RPEL1: variants seen among roughly 807,000 people sequenced by gnomAD.
The protein encoded by RPEL1 is ribulose-5-phosphate-3-epimerase like 1, also known as ribulose-phosphate 3-epimerase-like protein 1.
RPEL1 carries 7 observed loss-of-function variants against 12.8 expected under a neutral mutation model. The observed-to-expected ratio is 0.55, with a 90% confidence interval of 0.31 to 1.03. The LOEUF is 1.03. RPEL1 is among the 50% of genes least tolerant of loss of function. RPEL1 has a pLI of 0.05. For synonymous variants in RPEL1, 91 were observed against 102.0 expected (o/e 0.89, Z 0.65); for missense variants, 237 against 289.4 (o/e 0.82, Z 1.31).
rs2093007133 is a variant in RPEL1 at position 103,245,887 on chromosome 10, C to T, written c.-110C>T. 1 of 1,454,794 alleles carries T rather than the reference C, an allele frequency of 6.9e-7. No homozygotes were observed. Among genetic ancestry groups the T allele is most frequent in the Non-Finnish European group, 9.1e-7 (1 of 1,095,360 alleles). 90.1% of individuals were successfully genotyped at this position (1,454,794 alleles called of 1,614,324 possible). A position where few individuals can be genotyped will look rare whatever the true frequency, so the allele number is the denominator to read the frequency against. On this transcript the variant is annotated 5_prime_UTR_variant, in exon 1 of 1. Coordinates refer to ENST00000441178, the MANE Select transcript of RPEL1 (RefSeq NM_001143909.1). ...GGATTACAGGCATGAGCCACTGTGCCTGGCCAAACTGTGGTTCTTTGGTAG... is the reference window on the plus strand; with the variant it reads ...GGATTACAGGCATGAGCCACTGTGCTTGGCCAAACTGTGGTTCTTTGGTAG...
Position 103,246,376 on chromosome 10 carries a change from A to T in RPEL1, c.380A>T (p.Tyr127Phe). 6.2e-7 allele frequency: 1 copy of T among 1,614,196 alleles called. No individual in the cohort carries two copies. Among genetic ancestry groups the T allele is most frequent in the Non-Finnish European group, 8.5e-7 (1 of 1,180,022 alleles). The change falls in exon 1 of 1, where the codon TAT becomes TTT. Residue 127 changes from tyrosine (Y) to phenylalanine (F), a missense_variant. Transcript: ENST00000441178. The part of the protein sequence containing the change: ...LAIKPGTSVE[Y>F]LAPWANQIDM... ...ATCAAACCAGGAACCTCAGTTGAGT[A>T]TTTGGCACCATGGGCTAATCAAATA...
rs533063298 is a variant in RPEL1, at chr10:103,245,926, T to A, written c.-71T>A. 2,495 of 1,407,898 alleles carry A rather than the reference T, an allele frequency of 1.8e-3. 5 individuals are homozygous for A. The highest frequency in any genetic ancestry group is 1.7e-3 in the Non-Finnish European group (1,829 of 1,050,644). The allele number at this position is 1,407,898 out of a possible 1,614,324, so 87.2% of individuals were successfully genotyped here. On this transcript the variant is annotated 5_prime_UTR_variant, in exon 1 of 1. Transcript: ENST00000441178. ...GTTCTTTGGTAGAATTTCCTGGTTTTAAAAAAAAAAAAAGTGGGCTCTAGT... is the reference window on the plus strand; with the variant it reads ...GTTCTTTGGTAGAATTTCCTGGTTTAAAAAAAAAAAAAAGTGGGCTCTAGT...
rs930372304 is a variant in RPEL1, at chr10:103,247,209, A to C, written c.*526A>C. The C allele has an allele frequency of 2.3e-5, 4 of 171,910 alleles. No individual in the cohort carries two copies. Among genetic ancestry groups the C allele is most frequent in the African/African-American group, 9.6e-5 (4 of 41,476 alleles). 10.6% of individuals were successfully genotyped at this position (171,910 alleles called of 1,614,324 possible). ...TTTCACCTTACACTTAATGTGTAAA[A>C]ACTATAAAAACAATGCGTGAAACCC... On this transcript the variant is annotated 3_prime_UTR_variant, in exon 1 of 1. Transcript: ENST00000441178.
In RPEL1 at chr10:103,247,334, G is replaced by A. The variant is rs966715557; in HGVS notation, c.*651G>A. 12 of 168,126 alleles carry A rather than the reference G, an allele frequency of 7.1e-5. No homozygotes were observed. The highest frequency in any genetic ancestry group is 2.9e-4 in the African/African-American group (12 of 41,570). 10.4% of individuals were successfully genotyped at this position (168,126 alleles called of 1,614,324 possible). ...ACCATTCTTAAGGACGTTAAATAAT[G>A]CTGTTGTGTTAGCTCTGAGTAGAAA... On this transcript the variant is annotated 3_prime_UTR_variant, in exon 1 of 1. Coordinates refer to ENST00000441178, the MANE Select transcript of RPEL1 (RefSeq NM_001143909.1).
At position 103,247,134 on chromosome 10, in the gene RPEL1, A is replaced by G. The variant is rs757749754; in HGVS notation, c.*451A>G. 3 of 188,396 alleles carry G rather than the reference A, an allele frequency of 1.6e-5. No individual in the cohort carries two copies. The highest frequency in any genetic ancestry group is 3.7e-5 in the Non-Finnish European group (3 of 81,074). The allele number at this position is 188,396 out of a possible 1,614,324, so 11.7% of individuals were successfully genotyped here. On this transcript the variant is annotated 3_prime_UTR_variant, in exon 1 of 1. Coordinates refer to ENST00000441178, the MANE Select transcript of RPEL1 (RefSeq NM_001143909.1). ...TCATGTTATTTGTGATTTGTTTATAAGTTTGGGTGGGATGGCATACCATAT... is the reference window on the plus strand; with the variant it reads ...TCATGTTATTTGTGATTTGTTTATAGGTTTGGGTGGGATGGCATACCATAT...
rs376763218 is a variant in RPEL1 at position 103,246,468 on chromosome 10, C to T, written c.472C>T (p.Pro158Ser). Reference sequence around the variant, plus strand: ...GCAGAAATTCATGGAAGATATGATGCCAAAGGTTCACTGGTTGAGGACCCA... The same window carrying T: ...GCAGAAATTCATGGAAGATATGATGTCAAAGGTTCACTGGTTGAGGACCCA... ...GEQKFMEDMM[P>S]KVHWLRTQFP... Residue 158 changes from proline (P) to serine (S), a missense_variant, in exon 1 of 1, where the codon CCA (proline) becomes TCA (serine). By Grantham distance (74) the Pro-to-Ser change is moderately conservative (BLOSUM62 -1). Transcript: ENST00000441178. 9 of 1,613,994 alleles carry T rather than the reference C, an allele frequency of 5.6e-6. No individual in the cohort carries two copies. The African/African-American group carries it at 1.2e-4, about 22-fold the overall frequency.
At position 103,246,515 on chromosome 10, in the gene RPEL1, G is replaced by A. The variant is rs756294044; in HGVS notation, c.519G>A (p.Glu173=). 6.2e-7 allele frequency: 1 copy of A among 1,614,196 alleles called. No homozygotes were observed. The highest frequency in any genetic ancestry group is 1.3e-5 in the African/African-American group (1 of 75,044). Residue 173 remains glutamate, a synonymous_variant, in exon 1 of 1, where the codon GAG becomes GAA. Coordinates refer to ENST00000441178, the MANE Select transcript of RPEL1 (RefSeq NM_001143909.1). ...LRTQFPSLDI[E]GDGGVGSDTV... ...CCCAGTTCCCATCTTTGGATATAGA[G>A]GGCGATGGTGGAGTAGGTTCTGACA... is the stretch of plus-strand genomic sequence containing the variant.
Position 103,246,473 on chromosome 10 carries a change from G to T in RPEL1, c.477G>T (p.Lys159Asn), listed in dbSNP as rs764831313. The T allele has an allele frequency of 1.9e-6, 3 of 1,614,220 alleles. No individual in the cohort carries two copies. Among genetic ancestry groups the T allele is most frequent in the Non-Finnish European group, 2.5e-6 (3 of 1,180,038 alleles). Residue 159 changes from lysine to asparagine, a missense_variant, in exon 1 of 1, where the codon AAG becomes AAT. Physicochemically the swap from Lys to Asn is moderately conservative, Grantham distance 94. Transcript: ENST00000441178. ...EQKFMEDMMP[K>N]VHWLRTQFPS... Reference sequence around the variant, plus strand: ...AATTCATGGAAGATATGATGCCAAAGGTTCACTGGTTGAGGACCCAGTTCC... The same window carrying T: ...AATTCATGGAAGATATGATGCCAAATGTTCACTGGTTGAGGACCCAGTTCC...
In RPEL1 at chr10:103,246,542, T is replaced by A. The variant is rs529634862; in HGVS notation, c.546T>A (p.Thr182=). The A allele has an allele frequency of 2.5e-6, 4 of 1,614,234 alleles. No individual in the cohort carries two copies. The highest frequency in any genetic ancestry group is 8.5e-7 in the Non-Finnish European group (1 of 1,180,046). ...GCGATGGTGGAGTAGGTTCTGACAC[T>A]GTCCATAAGTGTGCAGAGGCAGGAG... ...IEGDGGVGSD[T]VHKCAEAGAN... is the part of the protein sequence containing the mutation. The change falls in exon 1 of 1, where the codon ACT becomes ACA. Residue 182 remains threonine, a synonymous_variant. Transcript: ENST00000441178.
chr10:103,246,371 TGA>T, the RPEL1 span: 4 of 1,614,048 alleles, frequency 2.5e-6, no homozygotes, highest in Non-Finnish European at 3.4e-6. Context: ...GAACCTCAGT[TGA>T]GTATTTGGCA....
chr10:103,246,913 T>A lies in RPEL1; in HGVS notation c.*230T>A, dbSNP rs2093009346. ...TGATTAGTGAGTAAGATACTGTTTT[T>A]ATTGAGAGACTTGATTTTTATAAAG... On this transcript the variant is annotated 3_prime_UTR_variant, in exon 1 of 1. Coordinates refer to ENST00000441178, the MANE Select transcript of RPEL1 (RefSeq NM_001143909.1). 1 of 596,176 alleles carries A rather than the reference T, an allele frequency of 1.7e-6. No individual in the cohort carries two copies. Among genetic ancestry groups the A allele is most frequent in the Non-Finnish European group, 2.9e-6 (1 of 340,024 alleles). The allele number at this position is 596,176 out of a possible 1,614,324, so 36.9% of individuals were successfully genotyped here.
chr10:103,246,779 C>T lies in RPEL1; in HGVS notation c.*96C>T. 2.1e-6 allele frequency: 3 copies of T among 1,436,216 alleles called. No homozygotes were observed. The African/African-American group carries it at 4.3e-5, about 20-fold the overall frequency. 89.0% of individuals were successfully genotyped at this position (1,436,216 alleles called of 1,614,324 possible). ...AAATCATCATGAAATTGAAGCTGTA[C>T]TGCTTTTTTGAGCAGTTATTCATTC... is the stretch of plus-strand genomic sequence containing the variant. On this transcript the variant is annotated 3_prime_UTR_variant, in exon 1 of 1. Transcript: ENST00000441178.
In RPEL1 at chr10:103,246,742, A is replaced by T; in HGVS notation, c.*59A>T. On this transcript the variant is annotated 3_prime_UTR_variant, in exon 1 of 1. Coordinates refer to ENST00000441178, the MANE Select transcript of RPEL1 (RefSeq NM_001143909.1). ...ATCTCCCTTTTACTGGAAAACAGGA[A>T]TATTGACTACCAAATCATCATGAAA... 6.5e-7 allele frequency: 1 copy of T among 1,539,182 alleles called. No homozygotes were observed. Among genetic ancestry groups the T allele is most frequent in the South Asian group, 1.2e-5 (1 of 83,262 alleles).
rs2093010765 is a variant in RPEL1 at position 103,247,847 on chromosome 10, T to C, written c.*1164T>C. 1 of 167,048 alleles carries C rather than the reference T, an allele frequency of 6.0e-6. No homozygotes were observed. The highest frequency in any genetic ancestry group is 1.5e-5 in the Non-Finnish European group (1 of 68,112). 10.3% of individuals were successfully genotyped at this position (167,048 alleles called of 1,614,324 possible). ...AGTGCTGGCTACTTTTACATATATG[T>C]TGTCAACAAATCCTCAGGATAATTC... On this transcript the variant is annotated 3_prime_UTR_variant, in exon 1 of 1. Transcript: ENST00000441178.
chr10:103,246,492 CA>C, the RPEL1 span: 1 of 1,614,172 alleles, frequency 6.2e-7, no homozygotes, highest in Admixed American at 1.7e-5. Flanking sequence ...GTTGAGGACC[CA>C]GTTCCCATCT....
In RPEL1 at chr10:103,246,908, G is replaced by GT. The variant is rs2093009335; in HGVS notation, c.*230dup. The GT allele has an allele frequency of 1.7e-6, 1 of 602,818 alleles. No homozygotes were observed. Among genetic ancestry groups the GT allele is most frequent in the African/African-American group, 1.9e-5 (1 of 53,644 alleles). The allele number at this position is 602,818 out of a possible 1,614,324, so 37.3% of individuals were successfully genotyped here. ...TTTAATGATTAGTGAGTAAGATACT[G>GT]TTTTTATTGAGAGACTTGATTTTTA... On this transcript the variant is annotated 3_prime_UTR_variant, in exon 1 of 1. Coordinates refer to ENST00000441178, the MANE Select transcript of RPEL1 (RefSeq NM_001143909.1).
chr10:103,247,386 A>G lies in RPEL1; in HGVS notation c.*703A>G, dbSNP rs1204647879. The G allele has an allele frequency of 1.2e-5, 2 of 167,048 alleles. No individual in the cohort carries two copies. The highest frequency in any genetic ancestry group is 1.3e-4 in the Admixed American group (2 of 15,278). The allele number at this position is 167,048 out of a possible 1,614,324, so 10.3% of individuals were successfully genotyped here. On this transcript the variant is annotated 3_prime_UTR_variant, in exon 1 of 1. Transcript: ENST00000441178. ...GAAAAAGTAAAAACCTCTGTATGGA[A>G]GTAATATTGGGTTGAATTCTGACTG... is the stretch of plus-strand genomic sequence containing the variant.
chr10:103,246,360 G>C lies in RPEL1; in HGVS notation c.364G>C (p.Gly122Arg). 1 of 1,614,242 alleles carries C rather than the reference G, an allele frequency of 6.2e-7. No homozygotes were observed. The highest frequency in any genetic ancestry group is 8.5e-7 in the Non-Finnish European group (1 of 1,180,046). The part of the protein sequence containing the change: ...GMKVGLAIKP[G>R]TSVEYLAPWA... Reference sequence around the variant, plus strand: ...GAAGGTTGGCCTTGCCATCAAACCAGGAACCTCAGTTGAGTATTTGGCACC... The same window carrying C: ...GAAGGTTGGCCTTGCCATCAAACCACGAACCTCAGTTGAGTATTTGGCACC... The change falls in exon 1 of 1, where the codon GGA becomes CGA. Residue 122 changes from glycine (G) to arginine (R), a missense_variant. Transcript: ENST00000441178.
chr10:103,247,746 C>T lies in RPEL1; in HGVS notation c.*1063C>T, dbSNP rs1034981416. The T allele has an allele frequency of 2.4e-5, 4 of 165,794 alleles. No homozygotes were observed. The highest frequency in any genetic ancestry group is 5.9e-5 in the Non-Finnish European group (4 of 67,986). The allele number at this position is 165,794 out of a possible 1,614,324, so 10.3% of individuals were successfully genotyped here. On this transcript the variant is annotated 3_prime_UTR_variant, in exon 1 of 1. Coordinates refer to ENST00000441178, the MANE Select transcript of RPEL1 (RefSeq NM_001143909.1). ...AAAAAAAAGTGTTCCCTAACAGTTTCCAGAGCACGAGCTGAAGGGATTGAC... is the reference window on the plus strand; with the variant it reads ...AAAAAAAAGTGTTCCCTAACAGTTTTCAGAGCACGAGCTGAAGGGATTGAC...
Sources: allele counts gnomAD v4.1 joint callset, GRCh38; gene constraint gnomAD v4.1.1; transcripts MANE v1.5; gene names NCBI Gene and HGNC (gene_info 2026-07-23, HGNC 2026-07-21).